The following ATP2A2 variants were observed in gnomAD, a reference collection of about 807,000 sequenced individuals.
ATP2A2 encodes sarcoplasmic/endoplasmic reticulum calcium ATPase 2.
In ATP2A2, 14 loss-of-function variants were observed where a neutral mutation model predicts 109.3. The ratio of observed to expected loss-of-function variants is 0.13; its 90% confidence interval spans 0.08 to 0.20. The LOEUF is 0.20. Among genes scored for constraint, ATP2A2 ranks in the 10% least tolerant of loss-of-function variants. The pLI is 1.00. For missense variants in ATP2A2, 657 were observed against 1,321.6 expected, an observed-to-expected ratio of 0.50 and a Z score of 7.80; for synonymous variants, 506 against 490.9, an observed-to-expected ratio of 1.03 and a Z score of -0.41.
At chr12:110,297,699 A>C (rs908330347) in intron 5 of ATP2A2, among the ~76,000 whole-genome samples, 16 of 151,136 alleles carry the variant, frequency 1.1e-4, no homozygotes, top group Non-Finnish European at 2.4e-4. Flanking sequence ...GCTCACTGCA[A>C]CCTCCACCTC....
At chr12:110,284,827 A>G (rs3026444) in intron 3 of ATP2A2, among the ~76,000 whole-genome samples, 29,342 of 152,080 alleles carry the variant, frequency 0.19, 3,202 homozygotes, top group Admixed American at 0.29. Context: ...GAGTACTTCT[A>G]TAGAATTAAT....
In ATP2A2 at chr12:110,293,619, T is replaced by C. The variant is rs146724709; in HGVS notation, c.324+1495T>C. Among the ~76,000 whole-genome samples the C allele has an allele frequency of 1.9e-3, 286 of 149,596 alleles. 6 individuals carry two copies. Among genetic ancestry groups the C allele is most frequent in the East Asian group, 0.012 (58 of 4,992 alleles). On this transcript the variant is annotated intron_variant, in intron 4 of 19. Transcript: ENST00000539276. The stretch of plus-strand genomic sequence containing the variant: ...TTTGTTGGTCAGGCTGGTCTCAAAC[T>C]CCTGACCTCAGATGATTCCCCCTGC...
At chr12:110,287,394 C>T (rs1012242721) in intron 3 of ATP2A2, among the ~76,000 whole-genome samples, 17 of 152,104 alleles carry the variant, frequency 1.1e-4, no homozygotes, top group Admixed American at 8.5e-4. Flanking sequence ...CTATTTTTAA[C>T]AGTTTAATGT....
intron 5 of ATP2A2, among the ~76,000 whole-genome samples, chr12:110,304,605 A>G (rs112051880): frequency 0.01 from 1,537 of 152,258 alleles, 6 homozygotes; most frequent in African/African-American, 0.013. Flanking sequence ...TGTTTAAATT[A>G]GGTTATTTGT....
rs1880146574 is a variant in ATP2A2, at chr12:110,349,005, C to T, written c.*2535C>T. 7 of 985,492 alleles carry T rather than the reference C, an allele frequency of 7.1e-6. No individual in the cohort carries two copies. The highest frequency in any genetic ancestry group is 7.2e-6 in the Non-Finnish European group (6 of 829,978). 61.0% of individuals were successfully genotyped at this position (985,492 alleles called of 1,614,324 possible). On this transcript the variant is annotated 3_prime_UTR_variant, in exon 20 of 20. Transcript: ENST00000539276. ...CAAAAAAAGTTGAGTAGTGTGTGGC[C>T]TGCTGTCGCACAGCCCCTAGTTAGC...
At chr12:110,345,168 G>A in intron 17 of ATP2A2, 81 bp from the exon 18 acceptor site, 2 of 1,605,732 alleles carry the variant, frequency 1.2e-6, no homozygotes, top group Non-Finnish European at 1.7e-6. Flanking sequence ...AGGCTGGTCT[G>A]TGCTAGGCTT....
intron 5 of ATP2A2, among the ~76,000 whole-genome samples, chr12:110,299,177 G>T (rs1481149921): frequency 1.3e-5 from 2 of 152,000 alleles, no homozygotes; most frequent in Non-Finnish European, 2.9e-5. Context: ...TTGCCCTGTT[G>T]CCCAGGCTGG....
chr12:110,336,460 G>T (rs567102206), intron 11 of ATP2A2, among the ~76,000 whole-genome samples: 1 of 152,144 alleles, frequency 6.6e-6, no homozygotes, highest in Non-Finnish European at 1.5e-5. Context: ...GTGTCATTGG[G>T]GGGTAGTACA....
Position 110,347,882 on chromosome 12 carries a change from C to T in ATP2A2, c.*1412C>T. On this transcript the variant is annotated 3_prime_UTR_variant, in exon 20 of 20. Transcript: ENST00000539276. ...CTGTATGTCACTAACTTATAAGCCGCCTCCATGGCAGATGCTGCTGTGCTC... is the reference window on the plus strand; with the variant it reads ...CTGTATGTCACTAACTTATAAGCCGTCTCCATGGCAGATGCTGCTGTGCTC... 1.0e-6 allele frequency: 1 copy of T among 997,866 alleles called. No individual in the cohort carries two copies. The highest frequency in any genetic ancestry group is 5.1e-4 in the Middle Eastern group (1 of 1,946). The allele number at this position is 997,866 out of a possible 1,614,324, so 61.8% of individuals were successfully genotyped here.
chr12:110,332,538 T>C, intron 8 of ATP2A2, 59 bp from the exon 9 acceptor site: 1 of 1,385,404 alleles, frequency 7.2e-7, no homozygotes. Flanking sequence ...AGGTAGTTTA[T>C]TTGTGTAGCA....
intron 5 of ATP2A2, among the ~76,000 whole-genome samples, chr12:110,305,883 T>G (rs1288728825): frequency 4.8e-5 from 6 of 124,592 alleles, no homozygotes; most frequent in South Asian, 2.6e-4. Context: ...TTTTTTTTTG[T>G]TTTTTTTTTT....
intron 11 of ATP2A2, among the ~76,000 whole-genome samples, chr12:110,336,122 A>G (rs1399489142): frequency 2.6e-5 from 4 of 152,036 alleles, no homozygotes; most frequent in African/African-American, 9.7e-5. Flanking sequence ...TGCTGAACAT[A>G]CCTCTTTTTA....
At position 110,310,525 on chromosome 12, in the gene ATP2A2, CTT is replaced by C. The variant is rs370020923; in HGVS notation, c.464-12465_464-12464del. Among the ~76,000 whole-genome samples, 324 of 152,242 alleles carry C rather than the reference CTT, an allele frequency of 2.1e-3. 2 individuals are homozygous for C. The highest frequency in any genetic ancestry group is 7.5e-3 in the African/African-American group (312 of 41,546). ...TGTTTTCAGGGTTGTTTAAAACAAA[CTT>C]TATGTATCTTGGTAACCCAGGGTTG... On this transcript the variant is annotated intron_variant, in intron 5 of 19. Coordinates refer to ENST00000539276, the MANE Select transcript of ATP2A2 (RefSeq NM_170665.4).
chr12:110,320,365 C>T (rs1877109800), intron 5 of ATP2A2, among the ~76,000 whole-genome samples: 1 of 152,222 alleles, frequency 6.6e-6, no homozygotes, highest in African/African-American at 2.4e-5. Context: ...GGACAGAAGT[C>T]TTCTACTCCA....
chr12:110,333,873 G>GT (rs1878576264), intron 10 of ATP2A2, 139 bp from the exon 11 acceptor site: 2 of 1,076,574 alleles, frequency 1.9e-6, no homozygotes, highest in African/African-American at 3.2e-5. Flanking sequence ...TGGGTCACCT[G>GT]TTTCAGAGGA....
At position 110,346,864 on chromosome 12, in the gene ATP2A2, T is replaced by C; in HGVS notation, c.*394T>C. 9.0e-7 allele frequency: 1 copy of C among 1,115,042 alleles called. No individual in the cohort carries two copies. The highest frequency in any genetic ancestry group is 1.1e-6 in the Non-Finnish European group (1 of 908,362). The allele number at this position is 1,115,042 out of a possible 1,614,324, so 69.1% of individuals were successfully genotyped here. On this transcript the variant is annotated 3_prime_UTR_variant, in exon 20 of 20. Transcript: ENST00000539276. ...GTTTTTTTTCTAAAACTAAATAGCA[T>C]GTATTGTGTCTTTTGCATGATGATC...
intron 3 of ATP2A2, among the ~76,000 whole-genome samples, chr12:110,286,720 A>T (rs1406556921): frequency 6.6e-6 from 1 of 150,574 alleles, no homozygotes; most frequent in Non-Finnish European, 1.5e-5. Context: ...AAAAAACTTG[A>T]TGTAAATTTC....
intron 5 of ATP2A2, among the ~76,000 whole-genome samples, chr12:110,321,413 C>T (rs952029987): frequency 2.0e-5 from 3 of 152,168 alleles, no homozygotes; most frequent in African/African-American, 7.2e-5. Context: ...GCTGCCCTTT[C>T]GTAAGACTTA....
intron 3 of ATP2A2, among the ~76,000 whole-genome samples, chr12:110,283,996 T>A (rs1160169694): frequency 6.6e-6 from 1 of 152,260 alleles, no homozygotes; most frequent in Non-Finnish European, 1.5e-5. Context: ...ACATAAATCC[T>A]GCTATGATAC....
Sources: allele counts gnomAD v4.1 joint callset (sites outside exome capture counted in the v4.1 genomes callset), GRCh38; gene constraint gnomAD v4.1.1; transcripts MANE v1.5; gene names NCBI Gene and HGNC (gene_info 2026-07-23, HGNC 2026-07-21).